The following NAALADL2 variants were observed in gnomAD, a reference collection of about 807,000 sequenced individuals.
The protein encoded by NAALADL2 is inactive N-acetylated-alpha-linked acidic dipeptidase-like protein 2.
In NAALADL2, 76 loss-of-function variants were observed where a neutral mutation model predicts 87.2. The observed-to-expected ratio is 0.87, with a 90% confidence interval of 0.72 to 1.05. The LOEUF (loss-of-function observed/expected upper bound fraction) is 1.05, where lower values mean the gene tolerates loss of function less well. Among genes scored for constraint, NAALADL2 ranks in the 50% least tolerant of loss-of-function variants. The probability of loss-of-function intolerance (pLI) is 0.00; values close to 1 mark genes in which losing one functional copy is unlikely to be tolerated. For synonymous variants in NAALADL2, 354 were observed against 331.0 expected (o/e 1.07, Z -0.75); for missense variants, 1,089 against 945.8 (o/e 1.15, Z -1.99).
intron 4 of NAALADL2, among the ~76,000 whole-genome samples, chr3:175,293,572 A>T (rs1224986501): frequency 6.6e-6 from 1 of 152,178 alleles, no homozygotes; most frequent in Non-Finnish European, 1.5e-5. Flanking sequence ...AACTCTCAAG[A>T]TGATAGTCTT....
At chr3:174,976,824 A>C (rs1002502882) in intron 1 of NAALADL2, among the ~76,000 whole-genome samples, 1 of 152,254 alleles carries the variant, frequency 6.6e-6, no homozygotes, top group South Asian at 2.1e-4. Flanking sequence ...TGACATAAAT[A>C]TAAGTAGATA....
At chr3:175,758,117 G>T (rs1247885928) in intron 13 of NAALADL2, among the ~76,000 whole-genome samples, 1 of 151,942 alleles carries the variant, frequency 6.6e-6, no homozygotes, top group East Asian at 1.9e-4. Flanking sequence ...CATGCATTTT[G>T]AGTAGAAAAG....
At chr3:174,598,547 G>C (rs1204471710) in intron 2 of NAALADL2, among the ~76,000 whole-genome samples, 1 of 152,232 alleles carries the variant, frequency 6.6e-6, no homozygotes, top group East Asian at 1.9e-4. Context: ...TCTCCGAAGT[G>C]GTATGCTGGT....
chr3:175,605,642 T>TG lies in NAALADL2; in HGVS notation c.1801-21649_1801-21648insG, dbSNP rs1723601073. 5.5e-5 allele frequency among the ~76,000 whole-genome samples: 5 copies of TG among 91,286 alleles called. No individual in the cohort carries two copies. The South Asian group carries it at 2.3e-3, about 43-fold the overall frequency. 59.9% of individuals were successfully genotyped at this position (91,286 alleles called of 152,430 possible). A position where few individuals can be genotyped will look rare whatever the true frequency, so the allele number is the denominator to read the frequency against. On this transcript the variant is annotated intron_variant, in intron 10 of 13. Transcript: ENST00000454872. ...GGACACCTAGATGTATATTGCTTGT[T>TG]TTTTTTTTTTTTTTAACTGTATTTA...
At chr3:175,722,947 T>C (rs1204366029) in intron 11 of NAALADL2, among the ~76,000 whole-genome samples, 2 of 152,126 alleles carry the variant, frequency 1.3e-5, no homozygotes, top group Non-Finnish European at 2.9e-5. Context: ...GTGTTTCTAA[T>C]TTTCCTGAGG....
intron 2 of NAALADL2, among the ~76,000 whole-genome samples, chr3:174,646,433 T>G (rs557444266): frequency 6.6e-6 from 1 of 152,152 alleles, no homozygotes; most frequent in Non-Finnish European, 1.5e-5. Flanking sequence ...AAGTGATACT[T>G]TAAAAGCTAG....
At chr3:175,582,859 G>A (rs1338858355) in intron 10 of NAALADL2, among the ~76,000 whole-genome samples, 5 of 152,224 alleles carry the variant, frequency 3.3e-5, no homozygotes, top group South Asian at 2.1e-4. Context: ...CCTTTAAAAC[G>A]TAATGGCCAA....
chr3:174,750,316 C>G (rs1182235137), intron 3 of NAALADL2, among the ~76,000 whole-genome samples: 1 of 152,184 alleles, frequency 6.6e-6, no homozygotes, highest in Non-Finnish European at 1.5e-5. Context: ...GAATTAGGTC[C>G]TGGTTCTGCT....
chr3:174,975,481 AT>A (rs915951690), intron 1 of NAALADL2, among the ~76,000 whole-genome samples: 11 of 152,126 alleles, frequency 7.2e-5, no homozygotes, highest in Admixed American at 2.0e-4. Context: ...TGCAAAAATA[AT>A]TTTTTTCCAT....
At chr3:174,828,164 CCA>C (rs1184707227) in intron 3 of NAALADL2, among the ~76,000 whole-genome samples, 2 of 151,534 alleles carry the variant, frequency 1.3e-5, no homozygotes, top group Admixed American at 6.6e-5. Context: ...CTGAAACCAA[CCA>C]CACACAACAC....
intron 2 of NAALADL2, among the ~76,000 whole-genome samples, chr3:174,714,735 A>T (rs1311953355): frequency 6.6e-6 from 1 of 152,162 alleles, no homozygotes; most frequent in Admixed American, 6.5e-5. Flanking sequence ...CAATCATGTC[A>T]TCTGCAAACA....
intron 1 of NAALADL2, among the ~76,000 whole-genome samples, chr3:175,016,619 TTAAA>T (rs1486949528): frequency 2.6e-5 from 4 of 151,712 alleles, no homozygotes; most frequent in African/African-American, 9.7e-5. Context: ...AGAAATCTTC[TTAAA>T]TAAGAGAAGT....
At chr3:174,968,711 C>T (rs1371421598) in intron 1 of NAALADL2, among the ~76,000 whole-genome samples, 2 of 152,110 alleles carry the variant, frequency 1.3e-5, no homozygotes, top group African/African-American at 2.4e-5. Flanking sequence ...AACTCCTGAC[C>T]TCGTGATCCG....
intron 2 of NAALADL2, among the ~76,000 whole-genome samples, chr3:174,596,006 C>T (rs573928044): frequency 6.6e-6 from 1 of 151,792 alleles, no homozygotes; most frequent in African/African-American, 2.4e-5. Flanking sequence ...AGCCAAATTC[C>T]ATCTCAAAAA....
At chr3:174,895,091 A>G (rs1447837824) in intron 1 of NAALADL2, among the ~76,000 whole-genome samples, 1 of 152,148 alleles carries the variant, frequency 6.6e-6, no homozygotes, top group Admixed American at 6.5e-5. Context: ...AAAACTTTAA[A>G]TAAACAATGT....
At chr3:174,731,899 G>A (rs1337361106) in intron 2 of NAALADL2, among the ~76,000 whole-genome samples, 1 of 152,142 alleles carries the variant, frequency 6.6e-6, no homozygotes, top group African/African-American at 2.4e-5. Context: ...AACTTATTTT[G>A]TAGTAGACCA....
intron 9 of NAALADL2, among the ~76,000 whole-genome samples, chr3:175,567,724 T>TTC (rs1437396031): frequency 6.6e-6 from 1 of 151,208 alleles, no homozygotes; most frequent in African/African-American, 2.4e-5. Context: ...TTTTCTTTTT[T>TTC]TTTTTTTTTG....
intron 11 of NAALADL2, among the ~76,000 whole-genome samples, chr3:175,664,687 A>T (rs150258013): frequency 2.5e-3 from 384 of 152,282 alleles, no homozygotes; most frequent in Non-Finnish European, 4.5e-3. Flanking sequence ...TTGAAAATAT[A>T]TTGAATTTAA....
intron 3 of NAALADL2, among the ~76,000 whole-genome samples, chr3:174,769,600 A>G (rs1228638484): frequency 6.6e-6 from 1 of 151,336 alleles, no homozygotes; most frequent in Admixed American, 6.6e-5. Flanking sequence ...TATACCTTTC[A>G]TTTTTATATT....
Sources: allele counts gnomAD v4.1 joint callset (sites outside exome capture counted in the v4.1 genomes callset), GRCh38; gene constraint gnomAD v4.1.1; transcripts MANE v1.5; gene names NCBI Gene and HGNC (gene_info 2026-07-23, HGNC 2026-07-21).